The following ULK4 variants were observed in gnomAD, a reference collection of about 807,000 sequenced individuals.
The protein encoded by ULK4 is unc-51 like kinase 4.
Under a neutral mutation model 160.6 loss-of-function variants are expected in ULK4, and 133 were observed. The ratio of observed to expected loss-of-function variants is 0.83; its 90% confidence interval spans 0.72 to 0.96. The LOEUF is 0.96. ULK4 is among the 40% of genes least tolerant of loss of function. The pLI, the probability that ULK4 is intolerant of heterozygous loss-of-function variation, is 0.00. For missense variants in ULK4, 1,580 were observed against 1,499.5 expected, an observed-to-expected ratio of 1.05 and a Z score of -0.89; for synonymous variants, 534 against 539.8, an observed-to-expected ratio of 0.99 and a Z score of 0.15.
chr3:41,875,617 T>A (rs1473331403), intron 17 of ULK4, among the ~76,000 whole-genome samples: 1 of 151,836 alleles, frequency 6.6e-6, no homozygotes, highest in Non-Finnish European at 1.5e-5. Flanking sequence ...TGAGACTGCA[T>A]CTCAAAAATA....
chr3:41,615,897 C>T (rs1292632644), intron 30 of ULK4, among the ~76,000 whole-genome samples, 180 bp from the exon 31 acceptor site: 2 of 152,048 alleles, frequency 1.3e-5, no homozygotes, highest in South Asian at 2.1e-4. Flanking sequence ...AAATATGAGG[C>T]TTTTTTGCAA....
chr3:41,593,905 T>A (rs2031518873), intron 31 of ULK4, among the ~76,000 whole-genome samples: 1 of 151,498 alleles, frequency 6.6e-6, no homozygotes, highest in Non-Finnish European at 1.5e-5. Flanking sequence ...TCACGGCATG[T>A]ATCTGTAGTC....
At chr3:41,845,022 G>A (rs1041163882) in intron 17 of ULK4, among the ~76,000 whole-genome samples, 6 of 151,030 alleles carry the variant, frequency 4.0e-5, no homozygotes, top group Admixed American at 2.0e-4. Flanking sequence ...CTGGAGTGCA[G>A]TGGCGCAATC....
intron 34 of ULK4, among the ~76,000 whole-genome samples, chr3:41,412,846 C>T (rs2082436718): frequency 6.6e-6 from 1 of 152,024 alleles, no homozygotes; most frequent in African/African-American, 2.4e-5. Context: ...CAGGCATGAA[C>T]CACTGTGCCT....
chr3:41,431,806 T>C (rs1470864466), intron 34 of ULK4, among the ~76,000 whole-genome samples: 1 of 150,710 alleles, frequency 6.6e-6, no homozygotes, highest in Non-Finnish European at 1.5e-5. Context: ...TTTTTTTTTT[T>C]TGAGACAGAG....
intron 21 of ULK4, among the ~76,000 whole-genome samples, chr3:41,771,282 G>A (rs1448187515): frequency 6.6e-6 from 1 of 152,152 alleles, no homozygotes; most frequent in African/African-American, 2.4e-5. Context: ...TTCAATGAGA[G>A]ATGGAGTTCC....
Position 41,562,336 on chromosome 3 carries a change from T to C in ULK4, c.3226+3689A>G, listed in dbSNP as rs375889222. Among the ~76,000 whole-genome samples, 103 of 152,318 alleles carry C rather than the reference T, an allele frequency of 6.8e-4. 2 individuals carry two copies. The South Asian group carries it at 0.019, about 29-fold the overall frequency. On this transcript the variant is annotated intron_variant, in intron 32 of 36. Transcript: ENST00000301831. ...GTGGGGCTGAGGAGAATGTATTTTCTGTTTATTTGGGGTGGAGAGTTCTGT... is the reference window on the plus strand; with the variant it reads ...GTGGGGCTGAGGAGAATGTATTTTCCGTTTATTTGGGGTGGAGAGTTCTGT...
intron 34 of ULK4, among the ~76,000 whole-genome samples, chr3:41,446,766 T>C (rs2083306276): frequency 6.7e-6 from 1 of 149,926 alleles, no homozygotes; most frequent in Non-Finnish European, 1.5e-5. Flanking sequence ...TTAGGAGATA[T>C]ACCTAATGTT....
chr3:41,621,185 C>T (rs1326625984), intron 30 of ULK4, among the ~76,000 whole-genome samples: 2 of 152,150 alleles, frequency 1.3e-5, no homozygotes, highest in Non-Finnish European at 2.9e-5. Flanking sequence ...AATGGCCATA[C>T]TGCCCAAAGT....
chr3:41,379,203 TAA>T lies in ULK4; in HGVS notation c.3678+18874_3678+18875del, dbSNP rs36089027. Among the ~76,000 whole-genome samples, 135 of 148,052 alleles carry T rather than the reference TAA, an allele frequency of 9.1e-4. 3 individuals are homozygous for T. The South Asian group carries it at 0.027, about 29-fold the overall frequency. ...CATGTATCCCAGAACTTAAAGTATT[TAA>T]AAAAAAAATAGTGAAAAAAGAAAAA... On this transcript the variant is annotated intron_variant, in intron 35 of 36. Coordinates refer to ENST00000301831, the MANE Select transcript of ULK4 (RefSeq NM_017886.4).
intron 18 of ULK4, among the ~76,000 whole-genome samples, chr3:41,824,028 T>C (rs542628723): frequency 1.3e-5 from 2 of 151,980 alleles, no homozygotes; most frequent in African/African-American, 4.8e-5. Context: ...CCAGGTGTGG[T>C]GGTGTACACT....
intron 35 of ULK4, among the ~76,000 whole-genome samples, chr3:41,269,645 G>A (rs557372838): frequency 6.6e-6 from 1 of 152,264 alleles, no homozygotes; most frequent in South Asian, 2.1e-4. Context: ...GTATAAAGAT[G>A]CAAATTTATG....
At chr3:41,446,514 G>A (rs2083299815) in intron 34 of ULK4, among the ~76,000 whole-genome samples, 1 of 151,890 alleles carries the variant, frequency 6.6e-6, no homozygotes, top group African/African-American at 2.4e-5. Context: ...AAGAAAATGT[G>A]GCACATATAC....
chr3:41,529,696 T>G (rs1195043901), intron 32 of ULK4, among the ~76,000 whole-genome samples: 1 of 152,220 alleles, frequency 6.6e-6, no homozygotes, highest in Non-Finnish European at 1.5e-5. Context: ...TTTCGCCATG[T>G]TGGTCAGGCT....
At chr3:41,538,127 A>G (rs529566579) in intron 32 of ULK4, among the ~76,000 whole-genome samples, 68 of 152,258 alleles carry the variant, frequency 4.5e-4, no homozygotes, top group African/African-American at 1.5e-3. Context: ...CTTTGCTGGC[A>G]GTAAATTCTC....
chr3:41,382,242 TTCTG>T (rs1403688084), intron 35 of ULK4, among the ~76,000 whole-genome samples: 2 of 152,192 alleles, frequency 1.3e-5, no homozygotes, highest in Non-Finnish European at 2.9e-5. Flanking sequence ...GAGCAGGGTT[TTCTG>T]TCTGTCTTGT....
At chr3:41,417,638 G>A (rs1201384182) in intron 34 of ULK4, among the ~76,000 whole-genome samples, 1 of 152,118 alleles carries the variant, frequency 6.6e-6, no homozygotes, top group Non-Finnish European at 1.5e-5. Context: ...GAGGTATACA[G>A]AGGCTCCTCC....
Position 41,539,035 on chromosome 3 carries a change from G to GTT in ULK4, c.3226+26988_3226+26989dup, listed in dbSNP as rs11425607. The stretch of plus-strand genomic sequence containing the variant: ...TGCTTTCATAACAATCTTTTTCTTA[G>GTT]TTTTTTTTTTTTTTTTAGTATTTCT... On this transcript the variant is annotated intron_variant, in intron 32 of 36. Transcript: ENST00000301831. Among the ~76,000 whole-genome samples the GTT allele has an allele frequency of 3.9e-3, 549 of 139,914 alleles. 3 individuals are homozygous for GTT. Among genetic ancestry groups the GTT allele is most frequent in the African/African-American group, 8.3e-3 (316 of 38,108 alleles). The allele number at this position is 139,914 out of a possible 152,430, so 91.8% of individuals were successfully genotyped here.
At chr3:41,627,278 T>C (rs1215351380) in intron 30 of ULK4, among the ~76,000 whole-genome samples, 1 of 152,154 alleles carries the variant, frequency 6.6e-6, no homozygotes, top group African/African-American at 2.4e-5. Flanking sequence ...GAGCTCAGTT[T>C]TGCAGGACAA....
Sources: gnomAD v4.1 joint callset for allele counts (sites outside exome capture counted in the v4.1 genomes callset) on GRCh38, gnomAD v4.1.1 for gene constraint, MANE v1.5 for transcripts, NCBI Gene and HGNC (gene_info 2026-07-23, HGNC 2026-07-21) for gene names.